CNGB3: variants seen among roughly 807,000 people sequenced by gnomAD.
CNGB3 encodes the protein cyclic nucleotide gated channel subunit beta 3.
In CNGB3, 86 loss-of-function variants were observed where a neutral mutation model predicts 92.8. That is an observed-to-expected ratio of 0.93 (90% CI 0.78 to 1.11). The LOEUF is 1.11. Among genes scored for constraint, CNGB3 ranks in the 50% least tolerant of loss-of-function variants. The pLI, the probability that CNGB3 is intolerant of heterozygous loss-of-function variation, is 0.00. For synonymous variants in CNGB3, 333 were observed against 332.7 expected, an observed-to-expected ratio of 1.00 and a Z score of -0.01; for missense variants, 1,026 against 956.8, an observed-to-expected ratio of 1.07 and a Z score of -0.95.
intron 10 of CNGB3, among the ~76,000 whole-genome samples, chr8:86,635,869 T>TATATATATAC (rs1554611026): frequency 1.4e-5 from 1 of 70,834 alleles, no homozygotes; most frequent in Non-Finnish European, 2.7e-5. Flanking sequence ...TATATACACA[T>TATATATATAC]ACACATATAC....
At chr8:86,633,871 G>C (rs922005245) in intron 10 of CNGB3, among the ~76,000 whole-genome samples, 1 of 152,092 alleles carries the variant, frequency 6.6e-6, no homozygotes, top group Non-Finnish European at 1.5e-5. Flanking sequence ...TTATATTATT[G>C]AATACGTAAA....
intron 15 of CNGB3, among the ~76,000 whole-genome samples, chr8:86,579,575 A>T (rs1821722725): frequency 6.6e-6 from 1 of 151,744 alleles, no homozygotes; most frequent in Non-Finnish European, 1.5e-5. Context: ...GCTCCTTCAG[A>T]TCCACTTTTC....
At position 86,713,206 on chromosome 8, in the gene CNGB3, T is replaced by TA. The variant is rs1181517492; in HGVS notation, c.338+13324dup. On this transcript the variant is annotated intron_variant, in intron 3 of 17. Transcript: ENST00000320005. ...ATTAACTTCTTTATTGCATAGTGGT[T>TA]AGAGAATATATTCAATATGATGGGC... Among the ~76,000 whole-genome samples, 4 of 152,310 alleles carry TA rather than the reference T, an allele frequency of 2.6e-5. No individual in the cohort carries two copies. In the East Asian group the frequency reaches 7.7e-4, roughly 29 times the overall value.
intron 7 of CNGB3, among the ~76,000 whole-genome samples, chr8:86,652,245 T>A (rs1823418705): frequency 6.6e-6 from 1 of 151,998 alleles, no homozygotes; most frequent in African/African-American, 2.4e-5. Context: ...CTGTATAGGA[T>A]ACTTACCATG....
chr8:86,623,226 C>T (rs144106299), intron 13 of CNGB3, among the ~76,000 whole-genome samples: 1 of 152,182 alleles, frequency 6.6e-6, no homozygotes, highest in Non-Finnish European at 1.5e-5. Context: ...CTCCCCCGAA[C>T]TCAGATTTAT....
intron 2 of CNGB3, among the ~76,000 whole-genome samples, chr8:86,735,558 T>C (rs1404012537): frequency 6.6e-6 from 1 of 152,144 alleles, no homozygotes; most frequent in African/African-American, 2.4e-5. Flanking sequence ...GAGAGAATCC[T>C]TTCTTTCTTT....
chr8:86,659,859 A>C, intron 6 of CNGB3: 1 of 422,674 alleles, frequency 2.4e-6, no homozygotes, highest in Non-Finnish European at 4.7e-6. Context: ...CAGATCCTTC[A>C]GGTTAGCAGA....
At chr8:86,606,056 GAACCCA>G (rs1330679631) in intron 14 of CNGB3, among the ~76,000 whole-genome samples, 1 of 151,722 alleles carries the variant, frequency 6.6e-6, no homozygotes, top group Non-Finnish European at 1.5e-5. Context: ...AGGAAGCCTA[GAACCCA>G]CATCTCCTAA....
Position 86,626,049 on chromosome 8 carries a change from A to C in CNGB3, c.1512T>G (p.Thr504=). 1 of 1,613,802 alleles carries C rather than the reference A, an allele frequency of 6.2e-7. No individual in the cohort carries two copies. Among genetic ancestry groups the C allele is most frequent in the Non-Finnish European group, 8.5e-7 (1 of 1,179,810 alleles). Residue 504 remains threonine (T), a synonymous_variant, in exon 13 of 18, where the codon ACT becomes ACG. Coordinates refer to ENST00000320005, the MANE Select transcript of CNGB3 (RefSeq NM_019098.5). ...CAATGGCGAGGGCTAACTGGACCGTAGTTGGTAGGGTCTTAAGCAAATCAG... is the reference window on the plus strand; with the variant it reads ...CAATGGCGAGGGCTAACTGGACCGTCGTTGGTAGGGTCTTAAGCAAATCAG... ...DESDLLKTLP[T]TVQLALAIDV... is the part of the protein sequence containing the mutation.
At chr8:86,613,668 T>C (rs933933224) in intron 13 of CNGB3, among the ~76,000 whole-genome samples, 8 of 152,004 alleles carry the variant, frequency 5.3e-5, no homozygotes, top group Non-Finnish European at 1.0e-4. Context: ...TATATTCGTT[T>C]TCATATAAAT....
At chr8:86,591,983 A>G (rs895855077) in intron 15 of CNGB3, among the ~76,000 whole-genome samples, 21 of 152,338 alleles carry the variant, frequency 1.4e-4, no homozygotes, top group African/African-American at 5.0e-4. Context: ...TGTGCTAGCA[A>G]TCAGCGAGAC....
chr8:86,737,812 G>T (rs1282299563), intron 2 of CNGB3, among the ~76,000 whole-genome samples: 1 of 152,188 alleles, frequency 6.6e-6, no homozygotes, highest in Non-Finnish European at 1.5e-5. Context: ...GCTCCCACAA[G>T]TGAGAACATG....
At chr8:86,639,862 T>C (rs1823146944) in intron 10 of CNGB3, among the ~76,000 whole-genome samples, 1 of 152,110 alleles carries the variant, frequency 6.6e-6, no homozygotes, top group Non-Finnish European at 1.5e-5. Flanking sequence ...GTGAGAATGC[T>C]TCAGTCTAAA....
intron 15 of CNGB3, among the ~76,000 whole-genome samples, chr8:86,596,697 A>C (rs1407058333): frequency 6.6e-6 from 1 of 152,216 alleles, no homozygotes; most frequent in African/African-American, 2.4e-5. Flanking sequence ...TCTTCATGCA[A>C]ACAATAAAAA....
chr8:86,655,059 C>T (rs1585995618), intron 6 of CNGB3, among the ~76,000 whole-genome samples: 1 of 152,150 alleles, frequency 6.6e-6, no homozygotes, highest in Admixed American at 6.5e-5. Flanking sequence ...TGCTGCTCCT[C>T]CTGCTTCCGA....
intron 10 of CNGB3, among the ~76,000 whole-genome samples, chr8:86,643,267 A>C (rs1448384447): frequency 6.6e-6 from 1 of 151,532 alleles, no homozygotes; most frequent in Non-Finnish European, 1.5e-5. Flanking sequence ...ATTTTGTTAC[A>C]TGTATACAAT....
chr8:86,660,756 C>A (rs1823624972), intron 6 of CNGB3: 1 of 525,434 alleles, frequency 1.9e-6, no homozygotes, highest in Non-Finnish European at 3.9e-6. Context: ...ACAGGTAACA[C>A]CACTCAAACA....
chr8:86,673,297 G>A (rs1213909086), intron 3 of CNGB3, among the ~76,000 whole-genome samples: 1 of 152,202 alleles, frequency 6.6e-6, no homozygotes, highest in African/African-American at 2.4e-5. Context: ...TAAGGGACCA[G>A]CATATCTTTG....
chr8:86,739,629 T>TC, intron 2 of CNGB3, 26 bp downstream of exon 2: 1 of 1,599,466 alleles, frequency 6.3e-7, no homozygotes, highest in Non-Finnish European at 8.5e-7. Context: ...AGTTTTTTTT[T>TC]TTTTTTTTTC....
Sources: allele counts gnomAD v4.1 joint callset (sites outside exome capture counted in the v4.1 genomes callset), GRCh38; gene constraint gnomAD v4.1.1; transcripts MANE v1.5; gene names NCBI Gene and HGNC (gene_info 2026-07-23, HGNC 2026-07-21).